The following CDPF1 variants were observed in gnomAD, a reference collection of about 807,000 sequenced individuals.
The protein encoded by CDPF1 is cysteine rich DPF motif domain containing 1.
Under a neutral mutation model 8.3 loss-of-function variants are expected in CDPF1, and 8 were observed. The observed-to-expected ratio is 0.96, with a 90% confidence interval of 0.57 to 1.74. The LOEUF (loss-of-function observed/expected upper bound fraction) is 1.74. Among genes scored for constraint, CDPF1 ranks in the 40% most tolerant of loss-of-function variants. The pLI, the probability that CDPF1 is intolerant of heterozygous loss-of-function variation, is 0.00. For synonymous variants in CDPF1, 62 were observed against 62.9 expected (o/e 0.99, Z 0.07); for missense variants, 151 against 155.3 (o/e 0.97, Z 0.15).
In CDPF1 at chr22:46,248,445, T is replaced by G. The variant is rs1237898989; in HGVS notation, c.1-161A>C. Among the ~76,000 whole-genome samples, 2 of 152,198 alleles carry G rather than the reference T, an allele frequency of 1.3e-5. No homozygotes were observed. Among genetic ancestry groups the G allele is most frequent in the Non-Finnish European group, 2.9e-5 (2 of 68,032 alleles). On this transcript the variant is annotated intron_variant, in intron 1 of 3. Transcript: ENST00000314567. The surrounding 1 kb of genome is among the most constrained non-coding windows in gnomAD (Gnocchi z 4.1). The stretch of plus-strand genomic sequence containing the variant: ...CCCAGCTGAAACAGGTTTTCACCGG[T>G]GCCCAGAGTGACAGGATTTGCTGTC...
At position 46,247,158 on chromosome 22, in the gene CDPF1, G is replaced by A. The variant is rs751887621; in HGVS notation, c.177C>T (p.Val59=). The A allele has an allele frequency of 1.2e-6, 2 of 1,614,004 alleles. No homozygotes were observed. Among genetic ancestry groups the A allele is most frequent in the African/African-American group, 2.7e-5 (2 of 74,924 alleles). ...PFTSDKDRFL[V]LGSCCSLCSR... Reference sequence around the variant, plus strand: ...TGCACAAACTGCAGCACGAGCCGAGGACCAGGAATCTGTCCTTGTCGGAGG... The same window carrying A: ...TGCACAAACTGCAGCACGAGCCGAGAACCAGGAATCTGTCCTTGTCGGAGG... Residue 59 remains valine (V), a synonymous_variant, in exon 3 of 4, where the codon GTC becomes GTT. Transcript: ENST00000314567. This position sits in a 1 kb window ranked among gnomAD's most constrained non-coding sequence, Gnocchi z 4.3.
Position 46,244,837 on chromosome 22 carries a change from G to C in CDPF1, c.*255C>G, listed in dbSNP as rs1344479131. On this transcript the variant is annotated 3_prime_UTR_variant, in exon 4 of 4. Coordinates refer to ENST00000314567, the MANE Select transcript of CDPF1 (RefSeq NM_207327.5). The surrounding 1 kb of genome is among the most constrained non-coding windows in gnomAD (Gnocchi z 6.7). ...ACTCACTCAGGCCTGGGCCCTGAGGGGCATGTGGGGGGACCTGGCCGGGTT... is the reference window on the plus strand; with the variant it reads ...ACTCACTCAGGCCTGGGCCCTGAGGCGCATGTGGGGGGACCTGGCCGGGTT... 2 of 481,942 alleles carry C rather than the reference G, an allele frequency of 4.1e-6. No individual in the cohort carries two copies. The highest frequency in any genetic ancestry group is 7.8e-5 in the East Asian group (2 of 25,726). 29.9% of individuals were successfully genotyped at this position (481,942 alleles called of 1,614,324 possible). A position where few individuals can be genotyped will look rare whatever the true frequency, so the allele number is the denominator to read the frequency against.
In CDPF1 at chr22:46,248,149, T is replaced by C. The variant is rs767910962; in HGVS notation, c.113+23A>G. On this transcript the variant is annotated intron_variant, in intron 2 of 3. Transcript: ENST00000314567. The surrounding 1 kb of genome is among the most constrained non-coding windows in gnomAD (Gnocchi z 4.1). Reference sequence around the variant, plus strand: ...CACTGGGCACAGGCCTCCCCGGCACTGGCCCAAAAGGCATGCACTCACACC... The same window carrying C: ...CACTGGGCACAGGCCTCCCCGGCACCGGCCCAAAAGGCATGCACTCACACC... The C allele has an allele frequency of 5.1e-6, 8 of 1,561,830 alleles. No individual in the cohort carries two copies. The African/African-American group carries it at 9.5e-5, about 19-fold the overall frequency.
In CDPF1 at chr22:46,247,152, G is replaced by A; in HGVS notation, c.183C>T (p.Gly61=). 1 of 1,614,156 alleles carries A rather than the reference G, an allele frequency of 6.2e-7. No homozygotes were observed. The highest frequency in any genetic ancestry group is 1.7e-4 in the Middle Eastern group (1 of 6,060). The change falls in exon 3 of 4, where the codon GGC becomes GGT. Residue 61 remains glycine (G), a synonymous_variant. Coordinates refer to ENST00000314567, the MANE Select transcript of CDPF1 (RefSeq NM_207327.5). This position sits in a 1 kb window ranked among gnomAD's most constrained non-coding sequence, Gnocchi z 4.3. ...GCCTGCTGCACAAACTGCAGCACGAGCCGAGGACCAGGAATCTGTCCTTGT... is the reference window on the plus strand; with the variant it reads ...GCCTGCTGCACAAACTGCAGCACGAACCGAGGACCAGGAATCTGTCCTTGT... The part of the protein sequence containing the change: ...TSDKDRFLVL[G]SCCSLCSRLV...
chr22:46,244,959 G>A lies in CDPF1; in HGVS notation c.*133C>T, dbSNP rs1936462919. On this transcript the variant is annotated 3_prime_UTR_variant, in exon 4 of 4. Transcript: ENST00000314567. The surrounding 1 kb of genome is among the most constrained non-coding windows in gnomAD (Gnocchi z 6.7). ...TCCAAGCTGGACTCCAGCTCCCCTGGGCTGCAGTGCTGCTCCCAGTGGTCC... is the reference window on the plus strand; with the variant it reads ...TCCAAGCTGGACTCCAGCTCCCCTGAGCTGCAGTGCTGCTCCCAGTGGTCC... The A allele has an allele frequency of 1.7e-6, 2 of 1,163,016 alleles. No homozygotes were observed. Among genetic ancestry groups the A allele is most frequent in the East Asian group, 4.9e-5 (2 of 41,198 alleles). 72.0% of individuals were successfully genotyped at this position (1,163,016 alleles called of 1,614,324 possible).
chr22:46,247,728 G>A lies in CDPF1; in HGVS notation c.113+444C>T, dbSNP rs116366951. On this transcript the variant is annotated intron_variant, in intron 2 of 3. Transcript: ENST00000314567. This position sits in a 1 kb window ranked among gnomAD's most constrained non-coding sequence, Gnocchi z 4.3. ...AGGAAAAAGCCATGCCCCTGCCACT[G>A]CATCCCATGTGAGTAACACACCGGC... Among the ~76,000 whole-genome samples the A allele has an allele frequency of 8.6e-3, 1,305 of 152,340 alleles. 15 individuals are homozygous for A. The highest frequency in any genetic ancestry group is 0.03 in the African/African-American group (1,244 of 41,562).
rs1232835353 is a variant in CDPF1, at chr22:46,247,691, A to G, written c.114-470T>C. On this transcript the variant is annotated intron_variant, in intron 2 of 3. Coordinates refer to ENST00000314567, the MANE Select transcript of CDPF1 (RefSeq NM_207327.5). This position sits in a 1 kb window ranked among gnomAD's most constrained non-coding sequence, Gnocchi z 4.3. ...ACTCAGGCTCCTGGTCAGCAGAGGG[A>G]CGACAGCCAGAAGGAAAAAGCCATG... Among the ~76,000 whole-genome samples, 1 of 152,198 alleles carries G rather than the reference A, an allele frequency of 6.6e-6. No individual in the cohort carries two copies. Among genetic ancestry groups the G allele is most frequent in the Non-Finnish European group, 1.5e-5 (1 of 68,034 alleles).
At position 46,248,355 on chromosome 22, in the gene CDPF1, T is replaced by C; in HGVS notation, c.1-71A>G. 1 of 945,250 alleles carries C rather than the reference T, an allele frequency of 1.1e-6. No individual in the cohort carries two copies. The highest frequency in any genetic ancestry group is 1.7e-6 in the Non-Finnish European group (1 of 595,966). 58.6% of individuals were successfully genotyped at this position (945,250 alleles called of 1,614,324 possible). The stretch of plus-strand genomic sequence containing the variant: ...AGGAATCCTGCCCCTTTCCCAGCTA[T>C]GAAGACCCTAACCATATAGTCCTAG... On this transcript the variant is annotated intron_variant, in intron 1 of 3. Coordinates refer to ENST00000314567, the MANE Select transcript of CDPF1 (RefSeq NM_207327.5). The surrounding 1 kb of genome is among the most constrained non-coding windows in gnomAD (Gnocchi z 4.1).
chr22:46,248,245 C>CA lies in CDPF1; in HGVS notation c.39dup (p.Glu14Ter). 6.2e-7 allele frequency: 1 copy of CA among 1,613,808 alleles called. No individual in the cohort carries two copies. The highest frequency in any genetic ancestry group is 1.1e-5 in the South Asian group (1 of 91,014). Reference sequence around the variant, plus strand: ...GCTGTCAAGGTACAGAGTTCACACTCAAACACTCCCAGAGGACGGCACTCT... The same window carrying CA: ...GCTGTCAAGGTACAGAGTTCACACTCAAAACACTCCCAGAGGACGGCACTCT... On this transcript the variant is annotated frameshift_variant, in exon 2 of 4. Transcript: ENST00000314567. LOFTEE classifies it high-confidence loss of function. The surrounding 1 kb of genome is among the most constrained non-coding windows in gnomAD (Gnocchi z 4.1).
Position 46,248,356 on chromosome 22 carries a change from G to C in CDPF1, c.1-72C>G. 1.1e-6 allele frequency: 1 copy of C among 943,050 alleles called. No individual in the cohort carries two copies. Among genetic ancestry groups the C allele is most frequent in the East Asian group, 2.6e-5 (1 of 39,034 alleles). The allele number at this position is 943,050 out of a possible 1,614,324, so 58.4% of individuals were successfully genotyped here. On this transcript the variant is annotated intron_variant, in intron 1 of 3. Transcript: ENST00000314567. This position sits in a 1 kb window ranked among gnomAD's most constrained non-coding sequence, Gnocchi z 4.1. ...GGAATCCTGCCCCTTTCCCAGCTAT[G>C]AAGACCCTAACCATATAGTCCTAGC...
rs940558986 is a variant in CDPF1 at position 46,245,146 on chromosome 22, C to T, written c.318G>A (p.Glu106=). 20 of 1,614,256 alleles carry T rather than the reference C, an allele frequency of 1.2e-5. No homozygotes were observed. The East Asian group carries it at 4.5e-4, about 36-fold the overall frequency. The change falls in exon 4 of 4, where the codon GAG becomes GAA. Residue 106 remains glutamate (E), a synonymous_variant. Coordinates refer to ENST00000314567, the MANE Select transcript of CDPF1 (RefSeq NM_207327.5). This position sits in a 1 kb window ranked among gnomAD's most constrained non-coding sequence, Gnocchi z 6.9. ...AFPQEIRQDL[E]KRKAPSKRTP... ...TCCTCTTTGATGGAGCTTTCCTTTTCTCCAAGTCTTGCCGAATTTCCTGAG... is the reference window on the plus strand; with the variant it reads ...TCCTCTTTGATGGAGCTTTCCTTTTTTCCAAGTCTTGCCGAATTTCCTGAG...
rs747597227 is a variant in CDPF1 at position 46,245,224 on chromosome 22, G to C, written c.240C>G (p.Phe80Leu). 13 of 1,614,138 alleles carry C rather than the reference G, an allele frequency of 8.1e-6. No individual in the cohort carries two copies. The highest frequency in any genetic ancestry group is 1.1e-5 in the Non-Finnish European group (13 of 1,179,962). Residue 80 changes from phenylalanine to leucine, a missense_variant, in exon 4 of 4, where the codon TTC (phenylalanine) becomes TTG (leucine). Phe to Leu is a conservative substitution (Grantham distance 22, BLOSUM62 0). Transcript: ENST00000314567. This position sits in a 1 kb window ranked among gnomAD's most constrained non-coding sequence, Gnocchi z 6.9. ...LVCVGPECSL[F>L]YSKRFCLPCV... ...AAGGGAGGCAGAATCTCTTGGAGTAGAATAAACTGCATTCCTTAAAGAAGT... is the reference window on the plus strand; with the variant it reads ...AAGGGAGGCAGAATCTCTTGGAGTACAATAAACTGCATTCCTTAAAGAAGT...
At chr22:46,250,048 G>A (rs989658259) in intron 1 of CDPF1, among the ~76,000 whole-genome samples, 8 of 152,142 alleles carry the variant, frequency 5.3e-5, no homozygotes, top group African/African-American at 1.9e-4. Flanking sequence ...CGCTGCCCGA[G>A]GTCAGGGGGG....
In CDPF1 at chr22:46,249,571, C is replaced by A. The variant is rs1396356079; in HGVS notation, c.-1+685G>T. Among the ~76,000 whole-genome samples the A allele has an allele frequency of 1.3e-5, 2 of 151,950 alleles. No individual in the cohort carries two copies. The highest frequency in any genetic ancestry group is 2.9e-5 in the Non-Finnish European group (2 of 67,994). On this transcript the variant is annotated intron_variant, in intron 1 of 3. Coordinates refer to ENST00000314567, the MANE Select transcript of CDPF1 (RefSeq NM_207327.5). This position sits in a 1 kb window ranked among gnomAD's most constrained non-coding sequence, Gnocchi z 4.6. Reference sequence around the variant, plus strand: ...AGCTGAGGCAGGGGAATCACTTGAACCTAGGAGGCGGAGATTGCAGTGAGC... The same window carrying A: ...AGCTGAGGCAGGGGAATCACTTGAAACTAGGAGGCGGAGATTGCAGTGAGC...
Position 46,244,810 on chromosome 22 carries a change from GCA to G in CDPF1, c.*280_*281del. The G allele has an allele frequency of 2.4e-6, 1 of 418,068 alleles. No individual in the cohort carries two copies. Among genetic ancestry groups the G allele is most frequent in the South Asian group, 2.5e-5 (1 of 39,910 alleles). The allele number at this position is 418,068 out of a possible 1,614,324, so 25.9% of individuals were successfully genotyped here. A position where few individuals can be genotyped will look rare whatever the true frequency, so the allele number is the denominator to read the frequency against. On this transcript the variant is annotated 3_prime_UTR_variant, in exon 4 of 4. Transcript: ENST00000314567. This position sits in a 1 kb window ranked among gnomAD's most constrained non-coding sequence, Gnocchi z 6.7. ...CATCCCTCTCAGTCACATCTGAGCAGCACTCACTCAGGCCTGGGCCCTGAGGG... is the reference window on the plus strand; with the variant it reads ...CATCCCTCTCAGTCACATCTGAGCAGCTCACTCAGGCCTGGGCCCTGAGGG...
Position 46,245,182 on chromosome 22 carries a change from G to A in CDPF1, c.282C>T (p.Ile94=), listed in dbSNP as rs550309208. The change falls in exon 4 of 4, where the codon ATC becomes ATT. Residue 94 remains isoleucine, a synonymous_variant. Coordinates refer to ENST00000314567, the MANE Select transcript of CDPF1 (RefSeq NM_207327.5). The surrounding 1 kb of genome is among the most constrained non-coding windows in gnomAD (Gnocchi z 6.9). ...RFCLPCVREN[I]NAFPQEIRQD... ...GCCGAATTTCCTGAGGAAAAGCATT[G>A]ATGTTCTCCCGGACACAAGGGAGGC... is the stretch of plus-strand genomic sequence containing the variant. 13 of 1,614,202 alleles carry A rather than the reference G, an allele frequency of 8.1e-6. No homozygotes were observed. The East Asian group carries it at 2.9e-4, about 36-fold the overall frequency.
Position 46,244,950 on chromosome 22 carries a change from G to T in CDPF1, c.*142C>A. On this transcript the variant is annotated 3_prime_UTR_variant, in exon 4 of 4. Transcript: ENST00000314567. The surrounding 1 kb of genome is among the most constrained non-coding windows in gnomAD (Gnocchi z 6.7). ...TGTGGCTGCTCCAAGCTGGACTCCAGCTCCCCTGGGCTGCAGTGCTGCTCC... is the reference window on the plus strand; with the variant it reads ...TGTGGCTGCTCCAAGCTGGACTCCATCTCCCCTGGGCTGCAGTGCTGCTCC... 1 of 1,079,718 alleles carries T rather than the reference G, an allele frequency of 9.3e-7. No individual in the cohort carries two copies. Among genetic ancestry groups the T allele is most frequent in the Non-Finnish European group, 1.3e-6 (1 of 756,490 alleles). 66.9% of individuals were successfully genotyped at this position (1,079,718 alleles called of 1,614,324 possible).
rs1601845524 is a variant in CDPF1 at position 46,244,948 on chromosome 22, C to G, written c.*144G>C. ...CCTGTGGCTGCTCCAAGCTGGACTC[C>G]AGCTCCCCTGGGCTGCAGTGCTGCT... On this transcript the variant is annotated 3_prime_UTR_variant, in exon 4 of 4. Coordinates refer to ENST00000314567, the MANE Select transcript of CDPF1 (RefSeq NM_207327.5). The surrounding 1 kb of genome is among the most constrained non-coding windows in gnomAD (Gnocchi z 6.7). The G allele has an allele frequency of 3.7e-6, 4 of 1,068,598 alleles. No individual in the cohort carries two copies. The East Asian group carries it at 7.5e-5, about 20-fold the overall frequency. 66.2% of individuals were successfully genotyped at this position (1,068,598 alleles called of 1,614,324 possible). A position where few individuals can be genotyped will look rare whatever the true frequency, so the allele number is the denominator to read the frequency against.
In CDPF1 at chr22:46,245,363, G is replaced by A. The variant is rs978938610; in HGVS notation, c.226-125C>T. The A allele has an allele frequency of 9.2e-6, 9 of 974,588 alleles. No individual in the cohort carries two copies. The highest frequency in any genetic ancestry group is 3.3e-5 in the South Asian group (2 of 61,094). The allele number at this position is 974,588 out of a possible 1,614,324, so 60.4% of individuals were successfully genotyped here. ...GGCCCCAGCATGCACAGTGTGGGCA[G>A]GTGGCCAGAGCTAGACCAGCAAGAG... On this transcript the variant is annotated intron_variant, in intron 3 of 3. Transcript: ENST00000314567. The surrounding 1 kb of genome is among the most constrained non-coding windows in gnomAD (Gnocchi z 6.9).
Sources: allele counts gnomAD v4.1 joint callset (sites outside exome capture counted in the v4.1 genomes callset), GRCh38; gene constraint gnomAD v4.1.1; non-coding constraint Gnocchi (gnomAD v3.1); transcripts MANE v1.5; gene names NCBI Gene and HGNC (gene_info 2026-07-23, HGNC 2026-07-21).